The following BMP7 variants were observed in gnomAD, a reference collection of about 807,000 sequenced individuals.
The protein encoded by BMP7 is osteogenic protein 1.
BMP7 carries 12 observed loss-of-function variants against 41.2 expected under a neutral mutation model. That is an observed-to-expected ratio of 0.29 (90% confidence interval 0.19 to 0.47). BMP7 has a LOEUF of 0.47. Among genes scored for constraint, BMP7 ranks in the 20% least tolerant of loss-of-function variants. The pLI is 0.99. For missense variants in BMP7, 467 were observed against 606.0 expected, an observed-to-expected ratio of 0.77 and a Z score of 2.41; for synonymous variants, 248 against 250.0, an observed-to-expected ratio of 0.99 and a Z score of 0.07.
chr20:57,183,798 C>G lies in BMP7; in HGVS notation c.882G>C (p.Thr294=), dbSNP rs1391413155. 1.2e-6 allele frequency: 2 copies of G among 1,614,200 alleles called. No individual in the cohort carries two copies. The highest frequency in any genetic ancestry group is 4.5e-5 in the East Asian group (2 of 44,890). The change falls in exon 4 of 7, where the codon ACG becomes ACC. Residue 294 remains threonine, a synonymous_variant. Coordinates refer to ENST00000395863, the MANE Select transcript of BMP7 (RefSeq NM_001719.3). ...GGTTCTGGCTGCGCTGTTTGCTCCC[C>G]GTGGACCGGATGCTGCGGAAGTGGA... ...TEVHFRSIRS[T]GSKQRSQNRS... is the part of the protein sequence containing the mutation.
chr20:57,230,969 G>A lies in BMP7; in HGVS notation c.419-2548C>T, dbSNP rs1409998002. On this transcript the variant is annotated intron_variant, in intron 1 of 6. Transcript: ENST00000395863. ...TGGGATTACAGGCGTGAGCCACCAC[G>A]CCTGGCCGTTTGCCAGAACTTTTTA... Among the ~76,000 whole-genome samples the A allele has an allele frequency of 5.3e-5, 8 of 152,066 alleles. No individual in the cohort carries two copies. The East Asian group carries it at 5.8e-4, about 11-fold the overall frequency.
intron 3 of BMP7, among the ~76,000 whole-genome samples, chr20:57,184,293 G>T (rs1984161992): frequency 6.6e-6 from 1 of 152,162 alleles, no homozygotes; most frequent in Non-Finnish European, 1.5e-5. Flanking sequence ...GAGTTGGGGG[G>T]CAATCTTGCT....
At position 57,228,125 on chromosome 20, in the gene BMP7, C is replaced by T. The variant is rs2066014664; in HGVS notation, c.611+104G>A. On this transcript the variant is annotated intron_variant, in intron 2 of 6. Coordinates refer to ENST00000395863, the MANE Select transcript of BMP7 (RefSeq NM_001719.3). This position sits in a 1 kb window ranked among gnomAD's most constrained non-coding sequence, Gnocchi z 4.5. ...AGGGATAATCTGGTACAGGGCCTGG[C>T]ACGTGGTTGTGCCAATCTGACCCAT... 23 of 1,274,184 alleles carry T rather than the reference C, an allele frequency of 1.8e-5. No individual in the cohort carries two copies. In the South Asian group the frequency reaches 2.8e-4, roughly 15 times the overall value. 78.9% of individuals were successfully genotyped at this position (1,274,184 alleles called of 1,614,324 possible). A position where few individuals can be genotyped will look rare whatever the true frequency, so the allele number is the denominator to read the frequency against.
chr20:57,222,730 TCAAAACCA>T (rs1985217034), intron 2 of BMP7, among the ~76,000 whole-genome samples: 1 of 151,870 alleles, frequency 6.6e-6, no homozygotes, highest in Admixed American at 6.6e-5. Flanking sequence ...AGAAGGCAGC[TCAAAACCA>T]GAACTCATGC....
intron 4 of BMP7, among the ~76,000 whole-genome samples, chr20:57,181,882 C>T (rs1198648760): frequency 6.6e-6 from 1 of 152,240 alleles, no homozygotes. Flanking sequence ...TGATTAGCAC[C>T]TGTGATTCCA....
intron 1 of BMP7, among the ~76,000 whole-genome samples, chr20:57,241,056 G>A (rs1273929443): frequency 6.6e-6 from 1 of 152,150 alleles, no homozygotes; most frequent in African/African-American, 2.4e-5. Context: ...CAGAGGCAGG[G>A]GGACACATCG....
intron 5 of BMP7, chr20:57,173,657 A>C: frequency 1.1e-5 from 4 of 371,352 alleles, no homozygotes; most frequent in East Asian, 5.9e-5. Context: ...ATAAAATAAA[A>C]ATGAAGGAAA....
intron 1 of BMP7, among the ~76,000 whole-genome samples, chr20:57,240,350 T>C (rs1292948827): frequency 6.6e-6 from 1 of 152,220 alleles, no homozygotes; most frequent in African/African-American, 2.4e-5. Context: ...AAGTTCCTTA[T>C]CTCTATCTGA....
At chr20:57,260,399 G>A (rs574444345) in intron 1 of BMP7, among the ~76,000 whole-genome samples, 8 of 152,184 alleles carry the variant, frequency 5.3e-5, no homozygotes, top group South Asian at 2.1e-4. Context: ...TCTCCTCCCC[G>A]CTCCTGGTGA....
At chr20:57,196,555 T>C (rs1018124641) in intron 3 of BMP7, among the ~76,000 whole-genome samples, 3 of 152,186 alleles carry the variant, frequency 2.0e-5, no homozygotes, top group South Asian at 4.1e-4. Flanking sequence ...GAGAGGCTAT[T>C]TGCTGTAGGA....
At chr20:57,254,785 A>T (rs78927257) in intron 1 of BMP7, among the ~76,000 whole-genome samples, 7,252 of 152,254 alleles carry the variant, frequency 0.048, 252 homozygotes, top group Non-Finnish European at 0.067. Flanking sequence ...GGAGTTTACA[A>T]TACTACAGAC....
intron 4 of BMP7, among the ~76,000 whole-genome samples, chr20:57,179,810 T>G (rs2093130773): frequency 6.6e-6 from 1 of 152,126 alleles, no homozygotes; most frequent in Admixed American, 6.5e-5. Context: ...TTAGAAGAGC[T>G]GCAAACAGGG....
intron 1 of BMP7, among the ~76,000 whole-genome samples, chr20:57,254,797 G>A (rs60235509): frequency 0.22 from 33,240 of 152,060 alleles, 3,722 homozygotes; most frequent in Non-Finnish European, 0.24. Context: ...ACTACAGACC[G>A]TACACAAAGG....
intron 2 of BMP7, among the ~76,000 whole-genome samples, chr20:57,221,929 A>G (rs1985199298): frequency 6.6e-6 from 1 of 152,080 alleles, no homozygotes; most frequent in African/African-American, 2.4e-5. Flanking sequence ...TGTCATCATG[A>G]CTGTTCCCAA....
chr20:57,173,160 C>T (rs1042627315), intron 6 of BMP7, 40 bp downstream of exon 6: 29 of 1,590,200 alleles, frequency 1.8e-5, no homozygotes, highest in African/African-American at 5.4e-5. Context: ...GCAGCCTGCC[C>T]GGCCCAGGTG....
intron 6 of BMP7, among the ~76,000 whole-genome samples, chr20:57,172,592 A>C (rs1400464608): frequency 6.6e-6 from 1 of 151,704 alleles, no homozygotes; most frequent in Non-Finnish European, 1.5e-5. Flanking sequence ...AAGGTCCTTG[A>C]ACCTTGGATT....
At chr20:57,181,496 TAAA>T (rs67768281) in intron 4 of BMP7, among the ~76,000 whole-genome samples, 58 of 139,472 alleles carry the variant, frequency 4.2e-4, no homozygotes, top group South Asian at 3.6e-3. Context: ...ACCCTGTCTC[TAAA>T]AAAAAAAAAA....
intron 2 of BMP7, among the ~76,000 whole-genome samples, chr20:57,218,770 T>G (rs924281839): frequency 1.4e-5 from 2 of 144,722 alleles, no homozygotes; most frequent in Non-Finnish European, 1.5e-5. Context: ...TAGCTGGTGT[T>G]TGTTTGGTGG....
Position 57,170,947 on chromosome 20 carries a change from T to C in BMP7, c.*12A>G. 1 of 1,612,888 alleles carries C rather than the reference T, an allele frequency of 6.2e-7. No individual in the cohort carries two copies. Among genetic ancestry groups the C allele is most frequent in the Non-Finnish European group, 8.5e-7 (1 of 1,179,778 alleles). ...AAAACTTGGCCCCAAAGGGTCTGAA[T>C]TCTCGGAGGAGCTAGTGGCAGCCAC... On this transcript the variant is annotated 3_prime_UTR_variant, in exon 7 of 7. Coordinates refer to ENST00000395863, the MANE Select transcript of BMP7 (RefSeq NM_001719.3).
Sources: allele counts gnomAD v4.1 joint callset (sites outside exome capture counted in the v4.1 genomes callset), GRCh38; gene constraint gnomAD v4.1.1; non-coding constraint Gnocchi (gnomAD v3.1); transcripts MANE v1.5; gene names NCBI Gene and HGNC (gene_info 2026-07-23, HGNC 2026-07-21).